PDIA4: variants seen among roughly 807,000 people sequenced by gnomAD.
The protein encoded by PDIA4 is protein disulfide isomerase family A member 4.
In PDIA4, 33 loss-of-function variants were observed where a neutral mutation model predicts 62.1. The observed-to-expected ratio is 0.53, with a 90% CI of 0.40 to 0.71. The LOEUF is 0.71. Ranked by LOEUF, PDIA4 falls within the 30% of genes least tolerant of loss-of-function variation. The pLI is 0.00. For synonymous variants in PDIA4, 341 were observed against 324.1 expected (o/e 1.05, Z -0.56); for missense variants, 804 against 813.6 (o/e 0.99, Z 0.14).
intron 3 of PDIA4, 47 bp downstream of exon 3, chr7:149,018,945 C>T: frequency 2.8e-6 from 4 of 1,430,956 alleles, no homozygotes; most frequent in Non-Finnish European, 3.9e-6. Context: ...AATTCCCATT[C>T]CCTGCGGGAA....
At chr7:149,026,686 C>A (rs925643632) in intron 1 of PDIA4, among the ~76,000 whole-genome samples, 6 of 151,710 alleles carry the variant, frequency 4.0e-5, no homozygotes, top group Non-Finnish European at 8.8e-5. Context: ...ACAGTCCCAG[C>A]TCCTCGGGAG....
intron 6 of PDIA4, among the ~76,000 whole-genome samples, chr7:149,010,647 C>A (rs1009212177): frequency 6.6e-6 from 1 of 152,138 alleles, no homozygotes. Flanking sequence ...ACCCTTTCAT[C>A]CCCCAGCCGC....
intron 1 of PDIA4, among the ~76,000 whole-genome samples, chr7:149,023,974 T>C (rs139550237): frequency 3.9e-5 from 6 of 152,252 alleles, no homozygotes; most frequent in Middle Eastern, 3.4e-3. Flanking sequence ...TGGCGAGACA[T>C]GGTGGATCAC....
chr7:149,027,682 G>A (rs1288602697), intron 1 of PDIA4, among the ~76,000 whole-genome samples: 1 of 149,328 alleles, frequency 6.7e-6, no homozygotes, highest in Non-Finnish European at 1.5e-5. Flanking sequence ...CGCGCTTCAT[G>A]GGCAGGGACC....
rs747744596 is a variant in PDIA4, at chr7:149,021,095, TTCCTCC to T, written c.135_140del (p.Glu46_Glu47del). 17 of 1,609,402 alleles carry T rather than the reference TTCCTCC, an allele frequency of 1.1e-5. No homozygotes were observed. Among genetic ancestry groups the T allele is most frequent in the African/African-American group, 2.7e-5 (2 of 74,866 alleles). On this transcript the variant is annotated inframe_deletion, in exon 2 of 10. Coordinates refer to ENST00000652332, the MANE Select transcript of PDIA4 (RefSeq NM_004911.5). ...AGTCGTCTTCTTCCTCATCATCATC[TTCCTCC>T]TCCTCCTCCTCTTCATCCTCAATGG...
intron 7 of PDIA4, among the ~76,000 whole-genome samples, chr7:149,007,800 A>G (rs1198177534): frequency 6.6e-6 from 1 of 152,260 alleles, no homozygotes; most frequent in Admixed American, 6.5e-5. Flanking sequence ...GCCTCAACGG[A>G]GCACCATGTG....
chr7:149,003,929 G>A lies in PDIA4; in HGVS notation c.1803C>T (p.Pro601=), dbSNP rs756475785. The change falls in exon 10 of 10, where the codon CCC becomes CCT. Residue 601 remains proline, a synonymous_variant. Transcript: ENST00000652332. ...PSDRYKVEGF[P]TIYFAPSGDK... is the part of the protein sequence containing the mutation. Reference sequence around the variant, plus strand: ...CCCCACTGGGGGCGAAGTAGATGGTGGGGAAGCCCTCCACCTTATAGCGGT... The same window carrying A: ...CCCCACTGGGGGCGAAGTAGATGGTAGGGAAGCCCTCCACCTTATAGCGGT... 11 of 1,613,782 alleles carry A rather than the reference G, an allele frequency of 6.8e-6. No homozygotes were observed. The highest frequency in any genetic ancestry group is 9.3e-6 in the Non-Finnish European group (11 of 1,179,832).
rs1823745621 is a variant in PDIA4 at position 149,006,035 on chromosome 7, C to CA, written c.1149_1150insT (p.Ala384CysfsTer24). On this transcript the variant is annotated frameshift_variant, in exon 8 of 10. Coordinates refer to ENST00000652332, the MANE Select transcript of PDIA4 (RefSeq NM_004911.5). LOFTEE classifies it high-confidence loss of function. ...TACTTCAGCACGAAGTCCTTGATGG[C>CA]CGAGTCCTGGGTGGAGCCCTGCTTC... 1 of 1,564,462 alleles carries CA rather than the reference C, an allele frequency of 6.4e-7. No individual in the cohort carries two copies. Among genetic ancestry groups the CA allele is most frequent in the Non-Finnish European group, 8.6e-7 (1 of 1,161,712 alleles).
chr7:149,009,679 A>T (rs987261755), intron 6 of PDIA4, among the ~76,000 whole-genome samples: 2 of 152,222 alleles, frequency 1.3e-5, no homozygotes, highest in African/African-American at 4.8e-5. Flanking sequence ...TTAAGGCTCT[A>T]AGGACCATGT....
At chr7:149,027,158 G>A (rs1160425559) in intron 1 of PDIA4, among the ~76,000 whole-genome samples, 3 of 152,152 alleles carry the variant, frequency 2.0e-5, no homozygotes, top group South Asian at 2.1e-4. Context: ...CGCAGATTCC[G>A]GGGCCCACCC....
chr7:149,021,843 C>T (rs949217143), intron 1 of PDIA4, among the ~76,000 whole-genome samples: 2 of 152,174 alleles, frequency 1.3e-5, no homozygotes, highest in African/African-American at 4.8e-5. Context: ...CTTGTACCAC[C>T]CTCTGCGGTC....
chr7:149,023,777 A>G (rs1824439907), intron 1 of PDIA4, among the ~76,000 whole-genome samples: 1 of 152,150 alleles, frequency 6.6e-6, no homozygotes, highest in Non-Finnish European at 1.5e-5. Context: ...CCACATAGAC[A>G]ACTCCTTTAC....
In PDIA4 at chr7:149,028,480, G is replaced by A. The variant is rs184702376; in HGVS notation, c.-72C>T. The A allele has an allele frequency of 1.9e-6, 2 of 1,079,738 alleles. No individual in the cohort carries two copies. Among genetic ancestry groups the A allele is most frequent in the South Asian group, 1.6e-5 (1 of 60,712 alleles). 66.9% of individuals were successfully genotyped at this position (1,079,738 alleles called of 1,614,324 possible). ...CGCACCGAGAACTCGGGGTCTGGCC[G>A]ACAGCCCGTCGCTCCTTAGCGACGC... On this transcript the variant is annotated 5_prime_UTR_variant, in exon 1 of 10. Transcript: ENST00000652332.
intron 1 of PDIA4, among the ~76,000 whole-genome samples, chr7:149,023,199 G>A (rs1404424651): frequency 6.6e-6 from 1 of 152,198 alleles, no homozygotes; most frequent in Non-Finnish European, 1.5e-5. Flanking sequence ...GACAGTACAG[G>A]CAGGGGCCAG....
intron 4 of PDIA4, among the ~76,000 whole-genome samples, chr7:149,012,947 C>A (rs1243625501): frequency 6.6e-6 from 1 of 152,110 alleles, no homozygotes. Context: ...CGTCACACAG[C>A]CCATTGCCCA....
rs778040806 is a variant in PDIA4 at position 149,003,841 on chromosome 7, T to C, written c.1891A>G (p.Ile631Val). 5 of 1,599,350 alleles carry C rather than the reference T, an allele frequency of 3.1e-6. No homozygotes were observed. The highest frequency in any genetic ancestry group is 1.3e-5 in the African/African-American group (1 of 74,482). The stretch of plus-strand genomic sequence containing the variant: ...CTCAGTTTTGTGGCATGTTCTTCTA[T>C]AAACTTGCTCAAATGCTCCAGATCT... Reference protein sequence around the residue: ...DRDLEHLSKFIEEHATKLSRT... With the variant: ...DRDLEHLSKFVEEHATKLSRT... Residue 631 changes from isoleucine (I) to valine (V), a missense_variant, in exon 10 of 10, where the codon ATA becomes GTA. Coordinates refer to ENST00000652332, the MANE Select transcript of PDIA4 (RefSeq NM_004911.5).
In PDIA4 at chr7:149,022,229, G is replaced by A. The variant is rs546186773; in HGVS notation, c.89-1082C>T. ...TCAAGTGTGAAGGGGAAGAGGGCGGGAAATCTCATTTTACTTATAAAGGCA... is the reference window on the plus strand; with the variant it reads ...TCAAGTGTGAAGGGGAAGAGGGCGGAAAATCTCATTTTACTTATAAAGGCA... On this transcript the variant is annotated intron_variant, in intron 1 of 9. Coordinates refer to ENST00000652332, the MANE Select transcript of PDIA4 (RefSeq NM_004911.5). Among the ~76,000 whole-genome samples, 11 of 152,208 alleles carry A rather than the reference G, an allele frequency of 7.2e-5. No individual in the cohort carries two copies. In the South Asian group the frequency reaches 2.1e-3, roughly 29 times the overall value.
At chr7:149,005,536 G>A (rs1823724090) in intron 8 of PDIA4, among the ~76,000 whole-genome samples, 162 bp from the exon 9 acceptor site, 1 of 152,208 alleles carries the variant, frequency 6.6e-6, no homozygotes, top group Admixed American at 6.5e-5. Context: ...AGCCCCACTT[G>A]TCACGGGGGC....
At chr7:149,016,125 T>G (rs1420060779) in intron 3 of PDIA4, among the ~76,000 whole-genome samples, 1 of 152,126 alleles carries the variant, frequency 6.6e-6, no homozygotes, top group African/African-American at 2.4e-5. Context: ...TGAAACCCTG[T>G]CTCTACTAAA....
Sources: gnomAD v4.1 joint callset for allele counts (sites outside exome capture counted in the v4.1 genomes callset) on GRCh38, gnomAD v4.1.1 for gene constraint, MANE v1.5 for transcripts, NCBI Gene and HGNC (gene_info 2026-07-23, HGNC 2026-07-21) for gene names.